The following CCSER1 variants were observed in gnomAD, a reference collection of about 807,000 sequenced individuals.
The protein encoded by CCSER1 is serine-rich coiled-coil domain-containing protein 1.
A neutral mutation model predicts 82.0 loss-of-function variants in CCSER1; 41 were observed. The ratio of observed to expected loss-of-function variants is 0.50; its 90% CI spans 0.39 to 0.65. CCSER1 has a LOEUF of 0.65. Among genes scored for constraint, CCSER1 ranks in the 30% least tolerant of loss-of-function variants. The pLI is 0.00. For missense variants in CCSER1, 1,119 were observed against 1,064.2 expected, an observed-to-expected ratio of 1.05 and a Z score of -0.72; for synonymous variants, 414 against 383.9, an observed-to-expected ratio of 1.08 and a Z score of -0.92.
At chr4:91,256,608 G>A (rs1004098068) in intron 10 of CCSER1, among the ~76,000 whole-genome samples, 3 of 151,940 alleles carry the variant, frequency 2.0e-5, no homozygotes, top group Non-Finnish European at 4.4e-5. Flanking sequence ...TTCTCAGACC[G>A]GCCGACACTT....
intron 10 of CCSER1, among the ~76,000 whole-genome samples, chr4:91,282,479 T>G (rs1742989742): frequency 6.6e-6 from 1 of 152,176 alleles, no homozygotes; most frequent in Non-Finnish European, 1.5e-5. Context: ...ATGTGGAGGT[T>G]GTAATCATTT....
chr4:90,996,247 A>G (rs1162542341), intron 9 of CCSER1, among the ~76,000 whole-genome samples: 1 of 152,080 alleles, frequency 6.6e-6, no homozygotes, highest in Non-Finnish European at 1.5e-5. Flanking sequence ...AATCTCTATA[A>G]TGAATGGTAT....
chr4:91,538,698 C>CATATATTTTATATATATATATATTATAT, intron 10 of CCSER1, among the ~76,000 whole-genome samples: 4 of 138,340 alleles, frequency 2.9e-5, no homozygotes, highest in African/African-American at 1.1e-4. Flanking sequence ...TATATATACA[C>CATATATTTTATATATATATATATTATAT]ATATATATAT....
chr4:91,508,877 T>C (rs1607076), intron 10 of CCSER1, among the ~76,000 whole-genome samples: 106,174 of 151,606 alleles, frequency 0.7, 37,354 homozygotes, highest in Middle Eastern at 0.73. Flanking sequence ...TATTGGTATA[T>C]GGTGATTCAT....
intron 3 of CCSER1, among the ~76,000 whole-genome samples, chr4:90,369,692 C>A (rs1201672068): frequency 1.3e-5 from 2 of 151,920 alleles, no homozygotes; most frequent in Non-Finnish European, 2.9e-5. Context: ...ACTACATGAT[C>A]TTACAGATCT....
At chr4:90,421,742 G>A (rs1447310718) in intron 4 of CCSER1, among the ~76,000 whole-genome samples, 1 of 152,142 alleles carries the variant, frequency 6.6e-6, no homozygotes, top group Non-Finnish European at 1.5e-5. Context: ...AGAGTTGTAG[G>A]ATTGGCGGAA....
intron 10 of CCSER1, among the ~76,000 whole-genome samples, chr4:91,545,738 G>A (rs1323254893): frequency 3.9e-5 from 6 of 151,920 alleles, no homozygotes; most frequent in Admixed American, 2.6e-4. Flanking sequence ...GTGAACAAAA[G>A]CAGTTTTGTT....
intron 5 of CCSER1, among the ~76,000 whole-genome samples, chr4:90,622,311 GCACAA>G (rs1722463499): frequency 6.6e-6 from 1 of 152,140 alleles, no homozygotes; most frequent in South Asian, 2.1e-4. Flanking sequence ...GGGTACATGT[GCACAA>G]CGTGCAGGTT....
chr4:90,736,323 A>G (rs938272205), intron 7 of CCSER1, among the ~76,000 whole-genome samples: 2 of 152,054 alleles, frequency 1.3e-5, no homozygotes, highest in Non-Finnish European at 2.9e-5. Context: ...CCCAAGTATT[A>G]TTGTATTGGA....
intron 1 of CCSER1, among the ~76,000 whole-genome samples, chr4:90,194,694 A>G (rs930006333): frequency 6.6e-6 from 1 of 152,210 alleles, no homozygotes; most frequent in Admixed American, 6.6e-5. Context: ...ATCCCTGTGG[A>G]TAGCTGGAAG....
chr4:90,925,853 C>A (rs953419204), intron 9 of CCSER1, among the ~76,000 whole-genome samples: 2 of 151,950 alleles, frequency 1.3e-5, no homozygotes, highest in Non-Finnish European at 1.5e-5. Context: ...CCTAAAGAAT[C>A]CCCTTCATAT....
At chr4:91,582,192 G>A (rs1488258168) in intron 10 of CCSER1, among the ~76,000 whole-genome samples, 1 of 151,470 alleles carries the variant, frequency 6.6e-6, no homozygotes, top group Non-Finnish European at 1.5e-5. Context: ...TTTTGAAAAT[G>A]ATTGCTACAT....
chr4:90,783,069 A>G (rs2168075), intron 7 of CCSER1, among the ~76,000 whole-genome samples: 89,535 of 151,604 alleles, frequency 0.59, 26,732 homozygotes, highest in African/African-American at 0.68. Flanking sequence ...AGCCTCCCGA[A>G]TAGCTAGGAT....
At chr4:90,488,973 A>G (rs1443292016) in intron 5 of CCSER1, among the ~76,000 whole-genome samples, 1 of 152,146 alleles carries the variant, frequency 6.6e-6, no homozygotes, top group African/African-American at 2.4e-5. Context: ...TATTGTATGG[A>G]AAATTTTACT....
intron 9 of CCSER1, among the ~76,000 whole-genome samples, chr4:90,929,038 CCT>C (rs1282539675): frequency 2.0e-5 from 3 of 152,056 alleles, no homozygotes; most frequent in African/African-American, 7.2e-5. Flanking sequence ...ATTTGCTTCT[CCT>C]CTTTCTGTTT....
At position 90,309,002 on chromosome 4, in the gene CCSER1, A is replaced by T; in HGVS notation, c.718A>T (p.Ser240Cys). Residue 240 changes from serine to cysteine, a missense_variant, in exon 2 of 11, where the codon AGC (serine) becomes TGC (cysteine). Coordinates refer to ENST00000509176, the MANE Select transcript of CCSER1 (RefSeq NM_001145065.2). ...CSVDVTERAG[S>C]SLQSPLLSAD... The stretch of plus-strand genomic sequence containing the variant: ...TGTGGATGTAACAGAACGGGCAGGA[A>T]GCTCTTTACAATCTCCTTTGCTTTC... 6.2e-7 allele frequency: 1 copy of T among 1,613,818 alleles called. No homozygotes were observed. Among genetic ancestry groups the T allele is most frequent in the Non-Finnish European group, 8.5e-7 (1 of 1,179,846 alleles).
chr4:91,590,083 C>T (rs945127774), intron 10 of CCSER1, among the ~76,000 whole-genome samples: 9 of 152,008 alleles, frequency 5.9e-5, no homozygotes, highest in Admixed American at 6.6e-5. Context: ...GAGAGAGGTG[C>T]TGTGATTTTA....
At chr4:91,530,718 T>C (rs1760986486) in intron 10 of CCSER1, among the ~76,000 whole-genome samples, 1 of 150,720 alleles carries the variant, frequency 6.6e-6, no homozygotes, top group African/African-American at 2.4e-5. Flanking sequence ...AGTTTTGCTT[T>C]GGTTGCCCAG....
chr4:91,079,003 T>C (rs893290930), intron 9 of CCSER1, among the ~76,000 whole-genome samples: 5 of 152,148 alleles, frequency 3.3e-5, no homozygotes, highest in Non-Finnish European at 7.3e-5. Context: ...GAAAACACTC[T>C]TCAGGATATC....
Sources: allele counts gnomAD v4.1 joint callset (sites outside exome capture counted in the v4.1 genomes callset), GRCh38; gene constraint gnomAD v4.1.1; transcripts MANE v1.5; gene names NCBI Gene and HGNC (gene_info 2026-07-23, HGNC 2026-07-21).